The following EXOC6 variants were observed in gnomAD, a reference collection of about 807,000 sequenced individuals.
EXOC6 encodes the protein exocyst complex component 6, also known as SEC15-like 1.
Under a neutral mutation model 112.5 loss-of-function variants are expected in EXOC6, and 60 were observed. That is an observed-to-expected ratio of 0.53 (90% CI 0.43 to 0.66). The LOEUF (loss-of-function observed/expected upper bound fraction) is 0.66. Ranked by LOEUF, EXOC6 falls within the 30% of genes least tolerant of loss-of-function variation. EXOC6 has a pLI of 0.00. For missense variants in EXOC6, 855 were observed against 957.1 expected, an observed-to-expected ratio of 0.89 and a Z score of 1.41; for synonymous variants, 295 against 308.0, an observed-to-expected ratio of 0.96 and a Z score of 0.44.
intron 5 of EXOC6, 44 bp from the exon 6 acceptor site, chr10:92,909,383 T>C: frequency 7.3e-7 from 1 of 1,363,290 alleles, no homozygotes; most frequent in South Asian, 1.3e-5. Context: ...AAAAATATTG[T>C]GATAAGAACT....
chr10:92,905,743 G>A (rs1015218325), intron 5 of EXOC6, among the ~76,000 whole-genome samples: 1 of 151,972 alleles, frequency 6.6e-6, no homozygotes, highest in Non-Finnish European at 1.5e-5. Context: ...ATTCGTTAAG[G>A]CATGTTTTGT....
intron 20 of EXOC6, among the ~76,000 whole-genome samples, chr10:93,031,864 A>T (rs565678138): frequency 1.1e-4 from 16 of 152,110 alleles, no homozygotes; most frequent in African/African-American, 3.9e-4. Context: ...CACTTCATAG[A>T]TTTGTTTTCT....
intron 18 of EXOC6, among the ~76,000 whole-genome samples, chr10:92,980,651 G>T (rs1163209987): frequency 1.3e-5 from 2 of 152,120 alleles, no homozygotes; most frequent in Non-Finnish European, 2.9e-5. Context: ...TTGAGTTGCA[G>T]TGCTTACAAT....
intron 20 of EXOC6, among the ~76,000 whole-genome samples, chr10:93,028,643 T>C (rs1251688276): frequency 6.6e-6 from 1 of 152,146 alleles, no homozygotes; most frequent in Non-Finnish European, 1.5e-5. Flanking sequence ...AGGACCAGCC[T>C]GACCAACATG....
At chr10:92,854,974 A>G (rs1408475864) in intron 1 of EXOC6, among the ~76,000 whole-genome samples, 1 of 152,128 alleles carries the variant, frequency 6.6e-6, no homozygotes, top group Non-Finnish European at 1.5e-5. Flanking sequence ...TTACCCTTGC[A>G]TTCCTAGGAT....
chr10:93,055,289 A>G (rs1279266284), intron 20 of EXOC6, among the ~76,000 whole-genome samples: 2 of 152,232 alleles, frequency 1.3e-5, no homozygotes, highest in Non-Finnish European at 2.9e-5. Context: ...TAACCACATG[A>G]TAGTCATCAT....
intron 13 of EXOC6, among the ~76,000 whole-genome samples, chr10:92,943,024 A>T (rs1225077924): frequency 6.9e-6 from 1 of 144,220 alleles, no homozygotes; most frequent in Non-Finnish European, 1.5e-5. Flanking sequence ...TTTTTGCCTA[A>T]TTTTTTTTTT....
chr10:92,881,174 T>A (rs1336191971), intron 1 of EXOC6, among the ~76,000 whole-genome samples: 2 of 152,212 alleles, frequency 1.3e-5, no homozygotes, highest in African/African-American at 4.8e-5. Context: ...ATGTGGCCTT[T>A]CCAGCTTGTC....
At chr10:92,984,170 G>A (rs1010771538) in intron 18 of EXOC6, among the ~76,000 whole-genome samples, 2 of 152,058 alleles carry the variant, frequency 1.3e-5, no homozygotes, top group African/African-American at 2.4e-5. Context: ...CAGTATCCAA[G>A]TTCTGGGCAC....
chr10:92,944,057 C>T lies in EXOC6; in HGVS notation c.1310+3233C>T, dbSNP rs542076620. 9.9e-5 allele frequency among the ~76,000 whole-genome samples: 15 copies of T among 152,184 alleles called. No homozygotes were observed. The South Asian group carries it at 3.1e-3, about 32-fold the overall frequency. On this transcript the variant is annotated intron_variant, in intron 13 of 21. Coordinates refer to ENST00000260762, the MANE Select transcript of EXOC6 (RefSeq NM_019053.6). ...TAGCATAATGTCCTCAAGGTTCATC[C>T]TTGTTGTTGCAAATGACAGAATTTC...
In EXOC6 at chr10:92,955,710, T is replaced by G; in HGVS notation, c.1769T>G (p.Phe590Cys). 1 of 1,603,668 alleles carries G rather than the reference T, an allele frequency of 6.2e-7. No individual in the cohort carries two copies. ...ACAAGACTTTATGGACTTTCTACTT[T>G]CAAGGTATGTAAAAATTTGACCAAA... Reference protein sequence around the residue: ...HTTRLYGLSTFKDARHAAEGE... With the variant: ...HTTRLYGLSTCKDARHAAEGE... The change falls in exon 17 of 22, where the codon TTC becomes TGC. Residue 590 changes from phenylalanine (F) to cysteine (C), a missense_variant. Transcript: ENST00000260762.
At chr10:92,920,439 T>C (rs1216614464) in intron 8 of EXOC6, among the ~76,000 whole-genome samples, 1 of 152,166 alleles carries the variant, frequency 6.6e-6, no homozygotes, top group Non-Finnish European at 1.5e-5. Flanking sequence ...ACTTACCCTT[T>C]TAGAGTATAC....
At chr10:92,843,585 C>T (rs1323881935), upstream of EXOC6, among the ~76,000 whole-genome samples, 2 of 151,796 alleles carry the variant, frequency 1.3e-5, no homozygotes, top group Admixed American at 6.6e-5. Flanking sequence ...CGCGGTGGCT[C>T]ACGCCTGTAA....
intron 1 of EXOC6, among the ~76,000 whole-genome samples, chr10:92,882,238 G>C (rs761860964): frequency 2.0e-5 from 3 of 151,990 alleles, no homozygotes; most frequent in Non-Finnish European, 2.9e-5. Context: ...CAAACCTTTT[G>C]TGCATTTAAG....
At chr10:92,849,543 A>G (rs1847224014) in intron 1 of EXOC6, among the ~76,000 whole-genome samples, 1 of 152,122 alleles carries the variant, frequency 6.6e-6, no homozygotes, top group South Asian at 2.1e-4. Flanking sequence ...CATCTTTTGG[A>G]GTGATAATAA....
intron 1 of EXOC6, among the ~76,000 whole-genome samples, chr10:92,870,925 G>T (rs1307779675): frequency 6.6e-6 from 1 of 152,078 alleles, no homozygotes; most frequent in Non-Finnish European, 1.5e-5. Context: ...GGCCAGAATG[G>T]TCTCGATCTG....
intron 1 of EXOC6, chr10:92,878,419 G>C (rs148462170): frequency 2.0e-5 from 3 of 152,238 alleles, no homozygotes; most frequent in Non-Finnish European, 4.4e-5. Flanking sequence ...GACTTTATAG[G>C]CTCCCCTTTT....
chr10:92,975,302 C>T (rs1159071217), intron 18 of EXOC6, among the ~76,000 whole-genome samples: 1 of 151,810 alleles, frequency 6.6e-6, no homozygotes, highest in Non-Finnish European at 1.5e-5. Flanking sequence ...GCCGCCCCGT[C>T]TGAGAAGTGA....
At position 92,859,813 on chromosome 10, in the gene EXOC6, TTGTGTGCA is replaced by T. The variant is rs1356900307; in HGVS notation, c.101+11186_101+11193del. ...TCTCCGTCTGTGTGTGTGTGCACGT[TTGTGTGCA>T]TGTGTGTGTGTGTGTGTGTGTGTGT... On this transcript the variant is annotated intron_variant, in intron 1 of 21. Transcript: ENST00000260762. 2.3e-5 allele frequency among the ~76,000 whole-genome samples: 3 copies of T among 127,960 alleles called. No individual in the cohort carries two copies. In the East Asian group the frequency reaches 7.2e-4, roughly 31 times the overall value. The allele number at this position is 127,960 out of a possible 152,430, so 83.9% of individuals were successfully genotyped here.
Sources: allele counts gnomAD v4.1 joint callset (sites outside exome capture counted in the v4.1 genomes callset), GRCh38; gene constraint gnomAD v4.1.1; transcripts MANE v1.5; gene names NCBI Gene and HGNC (gene_info 2026-07-23, HGNC 2026-07-21).